KCNJ5: variants seen among roughly 807,000 people sequenced by gnomAD.
KCNJ5 encodes G protein-activated inward rectifier potassium channel 4.
KCNJ5 carries 12 observed loss-of-function variants against 20.2 expected under a neutral mutation model. The observed-to-expected ratio is 0.59, with a 90% CI of 0.38 to 0.96. KCNJ5 has a LOEUF of 0.96. Ranked by LOEUF, KCNJ5 falls within the 40% of genes least tolerant of loss-of-function variation. The probability of loss-of-function intolerance (pLI) is 0.00; values close to 1 mark genes in which losing one functional copy is unlikely to be tolerated. For missense variants in KCNJ5, 449 were observed against 557.6 expected, an observed-to-expected ratio of 0.81 and a Z score of 1.96; for synonymous variants, 210 against 213.9, an observed-to-expected ratio of 0.98 and a Z score of 0.16.
intron 1 of KCNJ5, among the ~76,000 whole-genome samples, chr11:128,906,728 C>T (rs1944422683): frequency 6.6e-6 from 1 of 152,206 alleles, no homozygotes; most frequent in African/African-American, 2.4e-5. Context: ...ATTTGAATCT[C>T]TTACTTCGGG....
intron 1 of KCNJ5, among the ~76,000 whole-genome samples, chr11:128,892,155 CTCTTT>C (rs754830701): frequency 6.6e-6 from 1 of 152,264 alleles, no homozygotes; most frequent in Non-Finnish European, 1.5e-5. Context: ...ATCTTGCTTT[CTCTTT>C]TAAGTGTGGC....
At chr11:128,915,026 G>A (rs1944556832) in intron 2 of KCNJ5, among the ~76,000 whole-genome samples, 1 of 152,246 alleles carries the variant, frequency 6.6e-6, no homozygotes, top group East Asian at 1.9e-4. Context: ...GCACCTGTGT[G>A]GGTGCGCTGG....
intron 1 of KCNJ5, 35 bp downstream of exon 1, chr11:128,891,756 C>G (rs1360579493): frequency 2.0e-5 from 3 of 152,374 alleles, no homozygotes; most frequent in Admixed American, 1.3e-4. Flanking sequence ...CATTTCTCCC[C>G]CAGCTCGCGG....
chr11:128,921,136 C>T lies in KCNJ5; in HGVS notation c.*4405C>T, dbSNP rs1944659012. The T allele has an allele frequency of 6.6e-6, 1 of 152,236 alleles. No homozygotes were observed. The highest frequency in any genetic ancestry group is 2.1e-4 in the South Asian group (1 of 4,824). 9.4% of individuals were successfully genotyped at this position (152,236 alleles called of 1,614,324 possible). A position where few individuals can be genotyped will look rare whatever the true frequency, so the allele number is the denominator to read the frequency against. On this transcript the variant is annotated 3_prime_UTR_variant, in exon 3 of 3. Coordinates refer to ENST00000529694, the MANE Select transcript of KCNJ5 (RefSeq NM_000890.5). ...CCACTGCACTGCACTGCTAAAAATT[C>T]ACACAATAAAATGGACTTTAACTTG...
At chr11:128,904,402 AAC>A (rs1944355219) in intron 1 of KCNJ5, 1 of 1,613,164 alleles carries the variant, frequency 6.2e-7, no homozygotes, top group African/African-American at 1.3e-5. Flanking sequence ...GCGGACAGAG[AAC>A]GCATCAAGGG....
At chr11:128,892,341 C>T (rs1170912743) in intron 1 of KCNJ5, among the ~76,000 whole-genome samples, 1 of 152,198 alleles carries the variant, frequency 6.6e-6, no homozygotes, top group Non-Finnish European at 1.5e-5. Flanking sequence ...TCATTGCTCC[C>T]CTTCTCTTCA....
chr11:128,894,183 GTTT>G (rs11322063), intron 1 of KCNJ5, among the ~76,000 whole-genome samples: 11 of 147,774 alleles, frequency 7.4e-5, no homozygotes, highest in African/African-American at 1.2e-4. Flanking sequence ...CTTCTGCATT[GTTT>G]TTTTTTTTTT....
At chr11:128,905,114 C>T (rs1453620253) in intron 1 of KCNJ5, among the ~76,000 whole-genome samples, 1 of 152,234 alleles carries the variant, frequency 6.6e-6, no homozygotes, top group African/African-American at 2.4e-5. Flanking sequence ...TGGGCACAGT[C>T]TCTGGGTGGC....
chr11:128,895,687 G>T lies in KCNJ5; in HGVS notation c.-11+3966G>T, dbSNP rs548709448. 6.6e-5 allele frequency among the ~76,000 whole-genome samples: 10 copies of T among 152,344 alleles called. No individual in the cohort carries two copies. In the East Asian group the frequency reaches 1.2e-3, roughly 18 times the overall value. ...GCTAGACAGGGGGATCTTCCACACC[G>T]GGCCTGCCTGCCCTCTGAGCTCTCA... On this transcript the variant is annotated intron_variant, in intron 1 of 2. Transcript: ENST00000529694.
intron 1 of KCNJ5, among the ~76,000 whole-genome samples, chr11:128,909,089 T>C (rs1944465135): frequency 1.3e-5 from 2 of 152,218 alleles, no homozygotes; most frequent in Admixed American, 6.5e-5. Context: ...GACAAAGCCC[T>C]TCAGATGACC....
chr11:128,897,221 C>T (rs1046332516), intron 1 of KCNJ5, among the ~76,000 whole-genome samples: 1 of 151,664 alleles, frequency 6.6e-6, no homozygotes, highest in Non-Finnish European at 1.5e-5. Flanking sequence ...CCTCAGCCTC[C>T]CAAGTAACTG....
intron 2 of KCNJ5, among the ~76,000 whole-genome samples, chr11:128,912,477 ATGAGATATAG>A (rs1944519348): frequency 6.6e-6 from 1 of 151,274 alleles, no homozygotes; most frequent in African/African-American, 2.4e-5. Context: ...CCCACGCCCT[ATGAGATATAG>A]TGGGTTATTG....
chr11:128,911,185 G>T lies in KCNJ5; in HGVS notation c.-10-79G>T, dbSNP rs1202938201. ...AGAAGAGAAGCCTGGGAGAGCCCCG[G>T]GGTGGGGGTGGCCTTCCATCTTGTG... On this transcript the variant is annotated intron_variant, in intron 1 of 2. Coordinates refer to ENST00000529694, the MANE Select transcript of KCNJ5 (RefSeq NM_000890.5). This position sits in a 1 kb window ranked among gnomAD's most constrained non-coding sequence, Gnocchi z 6.3. The T allele has an allele frequency of 1.7e-6, 2 of 1,149,006 alleles. No individual in the cohort carries two copies. The highest frequency in any genetic ancestry group is 1.3e-6 in the Non-Finnish European group (1 of 769,304). The allele number at this position is 1,149,006 out of a possible 1,614,324, so 71.2% of individuals were successfully genotyped here.
At position 128,912,154 on chromosome 11, in the gene KCNJ5, T is replaced by G; in HGVS notation, c.881T>G (p.Leu294Arg). 14 of 1,610,834 alleles carry G rather than the reference T, an allele frequency of 8.7e-6. No individual in the cohort carries two copies. Among genetic ancestry groups the G allele is most frequent in the Non-Finnish European group, 1.2e-5 (14 of 1,180,010 alleles). ...TTCTGGGAGATGTCTCAGGCTCAGC[T>G]GCATCAGGAAGAGTTTGAAGTTGTG... ...SPFWEMSQAQ[L>R]HQEEFEVVVI... Residue 294 changes from leucine to arginine, a missense_variant, in exon 2 of 3, where the codon CTG (leucine) becomes CGG (arginine). By Grantham distance (102) the Leu-to-Arg change is moderately radical. This residue lies in a region of KCNJ5 where 145 missense variants were observed against 166.2 expected (regional missense o/e 0.87). Coordinates refer to ENST00000529694, the MANE Select transcript of KCNJ5 (RefSeq NM_000890.5).
intron 1 of KCNJ5, chr11:128,904,363 T>G: frequency 2.5e-6 from 4 of 1,599,440 alleles, no homozygotes; most frequent in Non-Finnish European, 8.5e-7. Flanking sequence ...TTTTTGCCTG[T>G]GTACTCCCCA....
chr11:128,912,698 A>G (rs1282648827), intron 2 of KCNJ5, among the ~76,000 whole-genome samples: 1 of 152,084 alleles, frequency 6.6e-6, no homozygotes, highest in Non-Finnish European at 1.5e-5. Context: ...TTTAGTAGAG[A>G]CAGGGTTTCA....
chr11:128,912,749 T>C (rs1399548059), intron 2 of KCNJ5, among the ~76,000 whole-genome samples: 3 of 152,316 alleles, frequency 2.0e-5, no homozygotes, highest in African/African-American at 2.4e-5. Flanking sequence ...GACCTTGTGA[T>C]CCACCTGCCT....
chr11:128,903,322 G>C (rs1944324155), intron 1 of KCNJ5: 1 of 1,492,556 alleles, frequency 6.7e-7, no homozygotes, highest in Admixed American at 1.7e-5. Context: ...GAAGGATGTA[G>C]AGTGTGTCTG....
At chr11:128,899,931 A>G (rs1341580072) in intron 1 of KCNJ5, 1 of 152,058 alleles carries the variant, frequency 6.6e-6, no homozygotes, top group Non-Finnish European at 1.5e-5. Context: ...TCCTAAGCAA[A>G]TGGGAGCCTG....
Sources: allele counts gnomAD v4.1 joint callset (sites outside exome capture counted in the v4.1 genomes callset), GRCh38; gene constraint gnomAD v4.1.1; regional missense constraint gnomAD v4.1.1; non-coding constraint Gnocchi (gnomAD v3.1); transcripts MANE v1.5; gene names NCBI Gene and HGNC (gene_info 2026-07-23, HGNC 2026-07-21).